KIF13B: variants seen among roughly 807,000 people sequenced by gnomAD.
The protein encoded by KIF13B is kinesin family member 13B.
In KIF13B, 127 loss-of-function variants were observed where a neutral mutation model predicts 222.0. The observed-to-expected ratio is 0.57, with a 90% confidence interval of 0.50 to 0.66. KIF13B has a LOEUF of 0.66. Ranked by LOEUF, KIF13B falls within the 30% of genes least tolerant of loss-of-function variation. The pLI is 0.00. For missense variants in KIF13B, 2,173 were observed against 2,379.0 expected (o/e 0.91, Z 1.80); for synonymous variants, 976 against 919.0 (o/e 1.06, Z -1.12).
intron 35 of KIF13B, among the ~76,000 whole-genome samples, chr8:29,103,311 C>A (rs1808888062): frequency 6.6e-6 from 1 of 151,696 alleles, no homozygotes; most frequent in South Asian, 2.1e-4. Context: ...CAGCATTTGT[C>A]ACATTGCAAA....
At chr8:29,166,554 A>C (rs1231204822) in intron 11 of KIF13B, among the ~76,000 whole-genome samples, 1 of 152,094 alleles carries the variant, frequency 6.6e-6, no homozygotes, top group East Asian at 1.9e-4. Flanking sequence ...AAACTACAAA[A>C]TTAGCTGGGC....
chr8:29,152,797 T>C lies in KIF13B; in HGVS notation c.1536-2414A>G, dbSNP rs571261933. Among the ~76,000 whole-genome samples, 6 of 152,234 alleles carry C rather than the reference T, an allele frequency of 3.9e-5. No homozygotes were observed. In the East Asian group the frequency reaches 1.2e-3, roughly 29 times the overall value. On this transcript the variant is annotated intron_variant, in intron 14 of 39. Transcript: ENST00000524189. ...CTTGCCATGTTGGTCAGGCTAGTCATGAACTCCTGACCTCAAGTAATCCGC... is the reference window on the plus strand; with the variant it reads ...CTTGCCATGTTGGTCAGGCTAGTCACGAACTCCTGACCTCAAGTAATCCGC...
chr8:29,247,014 C>T (rs1816056103), intron 1 of KIF13B, among the ~76,000 whole-genome samples: 1 of 152,128 alleles, frequency 6.6e-6, no homozygotes, highest in Non-Finnish European at 1.5e-5. Flanking sequence ...AAGTGTATAT[C>T]CACATGGCTT....
In KIF13B at chr8:29,122,624, T is replaced by C; in HGVS notation, c.3502A>G (p.Thr1168Ala). ...AEWTPVPGME[T>A]HIPVIFLDLN... ...TCCAGGAATATAACAGGAATGTGTG[T>C]CTCCATCCCAGGTACTGGGGTCCTA... The change falls in exon 29 of 40, where the codon ACA becomes GCA. Residue 1168 changes from threonine (T) to alanine (A), a missense_variant. Thr to Ala is a moderately conservative substitution (Grantham distance 58). Coordinates refer to ENST00000524189, the MANE Select transcript of KIF13B (RefSeq NM_015254.4). 1 of 1,609,954 alleles carries C rather than the reference T, an allele frequency of 6.2e-7. No homozygotes were observed. The highest frequency in any genetic ancestry group is 8.5e-7 in the Non-Finnish European group (1 of 1,178,066).
At chr8:29,132,250 A>T (rs1810376277) in intron 23 of KIF13B, 58 bp downstream of exon 23, 2 of 1,326,758 alleles carry the variant, frequency 1.5e-6, no homozygotes. Flanking sequence ...ACTGTCTCAA[A>T]AAACAAAAAA....
intron 2 of KIF13B, among the ~76,000 whole-genome samples, chr8:29,240,137 AT>A (rs145646100): frequency 5.2e-4 from 77 of 148,194 alleles, no homozygotes; most frequent in African/African-American, 9.4e-4. Flanking sequence ...TCCTTTTAAC[AT>A]TTTTTTTTTG....
intron 30 of KIF13B, among the ~76,000 whole-genome samples, chr8:29,117,673 C>T (rs1285062517): frequency 3.9e-5 from 6 of 152,176 alleles, no homozygotes; most frequent in African/African-American, 1.4e-4. Flanking sequence ...TCAAGTTTCG[C>T]TTCTTAGGGA....
intron 2 of KIF13B, among the ~76,000 whole-genome samples, chr8:29,209,793 T>C (rs1426100974): frequency 3.3e-5 from 5 of 151,006 alleles, no homozygotes; most frequent in Non-Finnish European, 7.4e-5. Flanking sequence ...GGCTCATGTC[T>C]GTAATCCCAA....
At chr8:29,252,015 AAAAAAGG>A (rs951437435) in intron 1 of KIF13B, among the ~76,000 whole-genome samples, 2 of 152,090 alleles carry the variant, frequency 1.3e-5, no homozygotes, top group East Asian at 1.9e-4. Flanking sequence ...AAGAAAGGAA[AAAAAAGG>A]AAAAAGGAAA....
chr8:29,212,579 C>T (rs1044532320), intron 2 of KIF13B, among the ~76,000 whole-genome samples: 1 of 152,092 alleles, frequency 6.6e-6, no homozygotes, highest in African/African-American at 2.4e-5. Flanking sequence ...AAACTACTTC[C>T]TTAGCCCATC....
At chr8:29,104,397 C>T (rs1236132062) in intron 35 of KIF13B, among the ~76,000 whole-genome samples, 1 of 152,152 alleles carries the variant, frequency 6.6e-6, no homozygotes, top group Non-Finnish European at 1.5e-5. Flanking sequence ...CCCTCTCCAA[C>T]CCATCTGTGT....
At chr8:29,259,232 C>G (rs1816596675) in intron 1 of KIF13B, among the ~76,000 whole-genome samples, 1 of 152,102 alleles carries the variant, frequency 6.6e-6, no homozygotes, top group Non-Finnish European at 1.5e-5. Flanking sequence ...TCTACATTGA[C>G]TCTATTAGAC....
At chr8:29,201,594 C>T (rs1216427446) in intron 2 of KIF13B, among the ~76,000 whole-genome samples, 1 of 152,160 alleles carries the variant, frequency 6.6e-6, no homozygotes, top group Non-Finnish European at 1.5e-5. Flanking sequence ...TTGTCAACTA[C>T]CAAAATCAAA....
intron 35 of KIF13B, among the ~76,000 whole-genome samples, chr8:29,103,579 G>A (rs1024985869): frequency 1.3e-5 from 2 of 152,022 alleles, no homozygotes; most frequent in African/African-American, 2.4e-5. Context: ...TAGGCCCTAT[G>A]GTGAATTTCG....
chr8:29,146,029 AGG>A (rs899117189), intron 18 of KIF13B: 21 of 464,760 alleles, frequency 4.5e-5, no homozygotes, highest in Non-Finnish European at 6.1e-5. Flanking sequence ...CTTGTGGAGA[AGG>A]GGTTGTAGAG....
chr8:29,255,521 C>A (rs1816441542), intron 1 of KIF13B, among the ~76,000 whole-genome samples: 1 of 152,046 alleles, frequency 6.6e-6, no homozygotes. Flanking sequence ...TCAAAAACTT[C>A]TATCTATTGG....
chr8:29,109,684 C>A lies in KIF13B; in HGVS notation c.4084-173G>T, dbSNP rs147718345. Among the ~76,000 whole-genome samples, 7 of 152,284 alleles carry A rather than the reference C, an allele frequency of 4.6e-5. No individual in the cohort carries two copies. In the East Asian group the frequency reaches 1.3e-3, roughly 29 times the overall value. On this transcript the variant is annotated intron_variant, in intron 33 of 39. Coordinates refer to ENST00000524189, the MANE Select transcript of KIF13B (RefSeq NM_015254.4). ...TGCCTGTATCAAAACAGCACATGAG[C>A]TCCATAAATACATACATCTACTATG...
chr8:29,177,599 T>C (rs750837782), intron 8 of KIF13B, 21 bp from the exon 9 acceptor site: 54 of 1,508,354 alleles, frequency 3.6e-5, no homozygotes, highest in Non-Finnish European at 2.5e-5. Context: ...AATCAATCAA[T>C]ACTAATCAAC....
In KIF13B at chr8:29,167,422, T is replaced by C; in HGVS notation, c.1109A>G (p.Asp370Gly). ...NEDPNARIIR[D>G]LREEVEKLRE... Reference sequence around the variant, plus strand: ...GAGTTTCTCAACTTCTTCCCGGAGATCCCGGATAATTCGGGCATTAGGGTC... The same window carrying C: ...GAGTTTCTCAACTTCTTCCCGGAGACCCCGGATAATTCGGGCATTAGGGTC... Residue 370 changes from aspartate (D) to glycine (G), a missense_variant, in exon 11 of 40, where the codon GAT becomes GGT. Asp to Gly is a moderately conservative substitution (Grantham distance 94, BLOSUM62 -1). Coordinates refer to ENST00000524189, the MANE Select transcript of KIF13B (RefSeq NM_015254.4). The C allele has an allele frequency of 6.2e-7, 1 of 1,613,722 alleles. No individual in the cohort carries two copies. The highest frequency in any genetic ancestry group is 8.5e-7 in the Non-Finnish European group (1 of 1,179,876).
Sources: gnomAD v4.1 joint callset for allele counts (sites outside exome capture counted in the v4.1 genomes callset) on GRCh38, gnomAD v4.1.1 for gene constraint, MANE v1.5 for transcripts, NCBI Gene and HGNC (gene_info 2026-07-23, HGNC 2026-07-21) for gene names.